GNG7: variants seen among roughly 807,000 people sequenced by gnomAD.
GNG7 encodes the protein G protein subunit gamma 7.
A neutral mutation model predicts 4.0 loss-of-function variants in GNG7; 1 was observed. The ratio of observed to expected loss-of-function variants is 0.25; its 90% CI spans 0.09 to 1.18. GNG7 has a LOEUF of 1.18. Among genes scored for constraint, GNG7 ranks in the 50% most tolerant of loss-of-function variants. The pLI is 0.50. For synonymous variants in GNG7, 34 were observed against 36.9 expected (o/e 0.92, Z 0.29); for missense variants, 86 against 91.9 (o/e 0.94, Z 0.26).
chr19:2,604,683 G>C (rs1393009585), intron 2 of GNG7, among the ~76,000 whole-genome samples: 1 of 145,896 alleles, frequency 6.9e-6, no homozygotes, highest in African/African-American at 2.5e-5. Context: ...GGAAGGAAGG[G>C]AGGGAGTGGG....
intron 2 of GNG7, among the ~76,000 whole-genome samples, chr19:2,619,560 C>T (rs1033836317): frequency 1.5e-4 from 23 of 152,280 alleles, no homozygotes; most frequent in Middle Eastern, 3.4e-3. Flanking sequence ...GTACAGCAAA[C>T]GCCACCATGG....
chr19:2,644,153 T>C (rs1357688363), intron 2 of GNG7, among the ~76,000 whole-genome samples: 1 of 151,694 alleles, frequency 6.6e-6, no homozygotes, highest in South Asian at 2.1e-4. Context: ...CCCAAGTAGC[T>C]GGGATTACAG....
intron 2 of GNG7, among the ~76,000 whole-genome samples, chr19:2,600,262 C>CA (rs551659880): frequency 0.054 from 7,208 of 132,266 alleles, 433 homozygotes; most frequent in African/African-American, 0.17. Flanking sequence ...AACTATTTTT[C>CA]AAAAAAAAAA....
chr19:2,662,174 C>G (rs1328596464), intron 1 of GNG7, among the ~76,000 whole-genome samples: 2 of 149,916 alleles, frequency 1.3e-5, no homozygotes, highest in Non-Finnish European at 3.0e-5. Flanking sequence ...GCAGGAGAAT[C>G]ACTTGAACCT....
intron 3 of GNG7, among the ~76,000 whole-genome samples, chr19:2,551,568 T>TA (rs1446332971): frequency 1.3e-5 from 1 of 78,696 alleles, no homozygotes; most frequent in African/African-American, 6.4e-5. Context: ...TATTTATCTA[T>TA]TATCTATAAT....
chr19:2,698,006 C>T (rs1224600508), intron 1 of GNG7, among the ~76,000 whole-genome samples: 1 of 151,768 alleles, frequency 6.6e-6, no homozygotes, highest in Non-Finnish European at 1.5e-5. Context: ...GGGGCTCATG[C>T]TTATAATCCC....
chr19:2,572,727 G>T (rs1042536448), intron 2 of GNG7, among the ~76,000 whole-genome samples: 3 of 151,820 alleles, frequency 2.0e-5, no homozygotes, highest in Admixed American at 1.3e-4. Context: ...CCGAGTAGCT[G>T]GGGCTGCAGA....
chr19:2,699,396 ACT>A (rs1473482183), intron 1 of GNG7, among the ~76,000 whole-genome samples: 2 of 151,994 alleles, frequency 1.3e-5, no homozygotes, highest in Non-Finnish European at 2.9e-5. Context: ...TGATCCACCC[ACT>A]TCGGCCTCCC....
intron 3 of GNG7, chr19:2,538,459 G>GT: frequency 7.9e-6 from 1 of 126,934 alleles, no homozygotes; most frequent in Non-Finnish European, 1.4e-5. Context: ...CCCCGTCTCT[G>GT]CAAAAAAAAA....
At position 2,545,323 on chromosome 19, in the gene GNG7, C is replaced by A. The variant is rs1979089446; in HGVS notation, c.-38+9826G>T. On this transcript the variant is annotated intron_variant, in intron 3 of 4. Transcript: ENST00000382159. ...AATCTGGCCGCCATGTCTACAGTGC[C>A]TAGGGGACCCTGGTTTAGACTCTGC... Among the ~76,000 whole-genome samples, 3 of 152,098 alleles carry A rather than the reference C, an allele frequency of 2.0e-5. No individual in the cohort carries two copies. In the South Asian group the frequency reaches 6.2e-4, roughly 31 times the overall value.
In GNG7 at chr19:2,653,658, G is replaced by C. The variant is rs565955617; in HGVS notation, c.-134-7378C>G. On this transcript the variant is annotated intron_variant, in intron 1 of 4. Transcript: ENST00000382159. The surrounding 1 kb of genome is among the most constrained non-coding windows in gnomAD (Gnocchi z 4.8). The stretch of plus-strand genomic sequence containing the variant: ...TGGGCACTGCGGGGAGCTGAGCAGC[G>C]TCCCTGGCCTCCACCCACCCCATGC... Among the ~76,000 whole-genome samples the C allele has an allele frequency of 2.0e-5, 3 of 152,056 alleles. No homozygotes were observed. The East Asian group carries it at 5.8e-4, about 29-fold the overall frequency.
intron 1 of GNG7, among the ~76,000 whole-genome samples, chr19:2,698,972 C>T (rs887238491): frequency 6.6e-6 from 1 of 152,238 alleles, no homozygotes; most frequent in South Asian, 2.1e-4. Context: ...AAGATCGAGA[C>T]GCACCTGCAG....
chr19:2,543,035 C>G (rs564251789), intron 3 of GNG7, among the ~76,000 whole-genome samples: 13 of 151,388 alleles, frequency 8.6e-5, no homozygotes, highest in African/African-American at 2.4e-4. Context: ...GCCTCAGTCT[C>G]CCGAGTAGCT....
chr19:2,634,773 G>A lies in GNG7; in HGVS notation c.-78+11451C>T, dbSNP rs766324657. On this transcript the variant is annotated intron_variant, in intron 2 of 4. Coordinates refer to ENST00000382159, the MANE Select transcript of GNG7 (RefSeq NM_052847.3). The surrounding 1 kb of genome is among the most constrained non-coding windows in gnomAD (Gnocchi z 5.3). ...CAGGACATGCTGAAATCTGGTGACC[G>A]ACCAGGGGGAAATAAACCCGCTCTG... Among the ~76,000 whole-genome samples the A allele has an allele frequency of 2.0e-5, 3 of 152,030 alleles. No homozygotes were observed. The highest frequency in any genetic ancestry group is 4.8e-5 in the African/African-American group (2 of 41,370).
chr19:2,676,099 CA>C (rs1487673872), intron 1 of GNG7, among the ~76,000 whole-genome samples: 45 of 152,304 alleles, frequency 3.0e-4, no homozygotes, highest in African/African-American at 8.2e-4. Context: ...GTCACCAGCC[CA>C]GGGGCGCCAA....
intron 3 of GNG7, among the ~76,000 whole-genome samples, chr19:2,535,417 T>C (rs1443745020): frequency 2.6e-5 from 4 of 151,682 alleles, no homozygotes; most frequent in Non-Finnish European, 5.9e-5. Flanking sequence ...GGAGAATCGC[T>C]TGAGCCCAGG....
In GNG7 at chr19:2,511,921, C is replaced by G; in HGVS notation, c.*3101G>C. Reference sequence around the variant, plus strand: ...GAGGGCAGGGGAGGCGGAGCTGGTCCGGGAAGGTGCCCAGGTGGGTCACAA... The same window carrying G: ...GAGGGCAGGGGAGGCGGAGCTGGTCGGGGAAGGTGCCCAGGTGGGTCACAA... On this transcript the variant is annotated 3_prime_UTR_variant, in exon 5 of 5. Coordinates refer to ENST00000382159, the MANE Select transcript of GNG7 (RefSeq NM_052847.3). The surrounding 1 kb of genome is among the most constrained non-coding windows in gnomAD (Gnocchi z 6.3). The G allele has an allele frequency of 1.0e-6, 1 of 986,150 alleles. No homozygotes were observed. The highest frequency in any genetic ancestry group is 1.2e-6 in the Non-Finnish European group (1 of 830,214). The allele number at this position is 986,150 out of a possible 1,614,324, so 61.1% of individuals were successfully genotyped here.
intron 2 of GNG7, among the ~76,000 whole-genome samples, chr19:2,581,375 C>T (rs528392711): frequency 3.9e-4 from 59 of 151,646 alleles, no homozygotes; most frequent in African/African-American, 1.3e-3. Context: ...GCCTGGAGCA[C>T]CAGCAGTCAA....
chr19:2,681,264 A>G (rs983584957), intron 1 of GNG7, among the ~76,000 whole-genome samples: 16 of 151,506 alleles, frequency 1.1e-4, no homozygotes, highest in Non-Finnish European at 2.1e-4. Flanking sequence ...GCTCACTGCA[A>G]CCTCCACCTC....
Sources: allele counts gnomAD v4.1 joint callset (sites outside exome capture counted in the v4.1 genomes callset), GRCh38; gene constraint gnomAD v4.1.1; non-coding constraint Gnocchi (gnomAD v3.1); transcripts MANE v1.5; gene names NCBI Gene and HGNC (gene_info 2026-07-23, HGNC 2026-07-21).